The following AFF3 variants were observed in gnomAD, a reference collection of about 807,000 sequenced individuals.
AFF3 encodes AF4/FMR2 family member 3.
Under a neutral mutation model 129.7 loss-of-function variants are expected in AFF3, and 32 were observed. That is an observed-to-expected ratio of 0.25 (90% CI 0.19 to 0.33). AFF3 has a LOEUF of 0.33. Among genes scored for constraint, AFF3 ranks in the 10% least tolerant of loss-of-function variants. The probability of loss-of-function intolerance (pLI) is 1.00; values close to 1 mark genes in which losing one functional copy is unlikely to be tolerated. For synonymous variants in AFF3, 644 were observed against 635.4 expected (o/e 1.01, Z -0.20); for missense variants, 1,373 against 1,592.0 (o/e 0.86, Z 2.34).
chr2:99,623,458 C>T (rs1388810645), intron 13 of AFF3, among the ~76,000 whole-genome samples: 2 of 152,198 alleles, frequency 1.3e-5, no homozygotes, highest in African/African-American at 2.4e-5. Flanking sequence ...TATCTGGAGG[C>T]TCGCCCTGCA....
intron 7 of AFF3, among the ~76,000 whole-genome samples, chr2:99,965,393 C>T (rs1677648074): frequency 6.6e-6 from 1 of 152,210 alleles, no homozygotes; most frequent in African/African-American, 2.4e-5. Flanking sequence ...GAGGAAGAAA[C>T]ACAAAATTGT....
intron 7 of AFF3, among the ~76,000 whole-genome samples, chr2:99,849,151 C>G (rs1353810712): frequency 6.6e-6 from 1 of 151,896 alleles, no homozygotes; most frequent in Non-Finnish European, 1.5e-5. Flanking sequence ...ATAAACCATC[C>G]TCAAAGTTAC....
intron 13 of AFF3, among the ~76,000 whole-genome samples, chr2:99,617,556 C>T (rs75570181): frequency 0.012 from 1,870 of 152,292 alleles, 13 homozygotes; most frequent in Non-Finnish European, 0.021. Context: ...ATCTGATATA[C>T]ATTGTGCAAT....
chr2:99,593,800 G>C lies in AFF3; in HGVS notation c.1861C>G (p.Pro621Ala), dbSNP rs1170891915. 2 of 1,610,882 alleles carry C rather than the reference G, an allele frequency of 1.2e-6. No homozygotes were observed. Among genetic ancestry groups the C allele is most frequent in the East Asian group, 2.2e-5 (1 of 44,846 alleles). Residue 621 changes from proline to alanine, a missense_variant, in exon 15 of 25, where the codon CCC becomes GCC. Physicochemically the swap from Pro to Ala is conservative, Grantham distance 27. Transcript: ENST00000672756. ...ADALGTSVVV[P>A]PEPTKTRPCG... Reference sequence around the variant, plus strand: ...GGCCTGGTTTTGGTGGGCTCCGGGGGGACCACCACGCTCGTCCCCAGCGCG... The same window carrying C: ...GGCCTGGTTTTGGTGGGCTCCGGGGCGACCACCACGCTCGTCCCCAGCGCG...
Position 99,909,965 on chromosome 2 carries a change from A to T in AFF3, c.874-72441T>A, listed in dbSNP as rs181145745. Among the ~76,000 whole-genome samples the T allele has an allele frequency of 2.0e-5, 3 of 152,302 alleles. No individual in the cohort carries two copies. The East Asian group carries it at 5.8e-4, about 29-fold the overall frequency. ...GAAGTCCTAACCCCAGTTCCTCACA[A>T]TGTGACATTATTTGGAGATAGGGTC... On this transcript the variant is annotated intron_variant, in intron 7 of 24. Transcript: ENST00000672756.
chr2:99,570,921 C>T (rs942665863), intron 18 of AFF3, among the ~76,000 whole-genome samples: 4 of 152,222 alleles, frequency 2.6e-5, no homozygotes, highest in South Asian at 4.1e-4. Context: ...TAAGGCGTTC[C>T]GAGTAACCTT....
At chr2:100,008,444 T>C (rs1356038462) in intron 5 of AFF3, among the ~76,000 whole-genome samples, 1 of 152,226 alleles carries the variant, frequency 6.6e-6, no homozygotes, top group Non-Finnish European at 1.5e-5. Flanking sequence ...ACGACAAATA[T>C]GTAACACAAC....
At chr2:100,083,204 A>C (rs1341829184) in intron 4 of AFF3, among the ~76,000 whole-genome samples, 1 of 152,248 alleles carries the variant, frequency 6.6e-6, no homozygotes, top group African/African-American at 2.4e-5. Context: ...TAAGCAAAGA[A>C]CAACGGTATT....
chr2:99,924,799 A>G (rs1696104347), intron 7 of AFF3, among the ~76,000 whole-genome samples: 1 of 152,186 alleles, frequency 6.6e-6, no homozygotes, highest in Non-Finnish European at 1.5e-5. Context: ...GGAATTATTA[A>G]AATGACATAT....
intron 11 of AFF3, among the ~76,000 whole-genome samples, chr2:99,703,319 T>G (rs1032983996): frequency 6.6e-6 from 1 of 152,178 alleles, no homozygotes; most frequent in African/African-American, 2.4e-5. Context: ...CCACGTAAGG[T>G]AACACAATCA....
chr2:99,962,452 T>C (rs1559014207), intron 7 of AFF3, among the ~76,000 whole-genome samples: 1 of 152,150 alleles, frequency 6.6e-6, no homozygotes, highest in East Asian at 1.9e-4. Context: ...AGATGATCAG[T>C]GTTAAAATGA....
At chr2:99,894,387 G>A (rs1464866084) in intron 7 of AFF3, among the ~76,000 whole-genome samples, 3 of 151,472 alleles carry the variant, frequency 2.0e-5, no homozygotes, top group Non-Finnish European at 4.4e-5. Context: ...GGGAGGGAGG[G>A]AAAAAAGGAA....
chr2:99,892,013 A>G (rs113204363), intron 7 of AFF3, among the ~76,000 whole-genome samples: 10,139 of 152,020 alleles, frequency 0.067, 1,012 homozygotes, highest in African/African-American at 0.22. Flanking sequence ...TAGTAGAGAC[A>G]GGGTTTCACC....
At chr2:100,022,431 G>A (rs920579938) in intron 4 of AFF3, among the ~76,000 whole-genome samples, 4 of 151,686 alleles carry the variant, frequency 2.6e-5, no homozygotes, top group Non-Finnish European at 5.9e-5. Context: ...TTTCGGGGGA[G>A]ACAGAGTCTC....
chr2:100,041,328 T>TA (rs1287577661), intron 4 of AFF3, among the ~76,000 whole-genome samples: 1 of 152,236 alleles, frequency 6.6e-6, no homozygotes, highest in Non-Finnish European at 1.5e-5. Context: ...AAAGACAGTG[T>TA]AATGCTAAGC....
chr2:99,673,717 T>C (rs778766370), intron 11 of AFF3, among the ~76,000 whole-genome samples: 1 of 152,188 alleles, frequency 6.6e-6, no homozygotes, highest in East Asian at 1.9e-4. Context: ...ATGTACCTAG[T>C]GTCCTTTAAA....
intron 11 of AFF3, among the ~76,000 whole-genome samples, chr2:99,690,219 C>T (rs919238664): frequency 5.5e-5 from 8 of 145,782 alleles, no homozygotes; most frequent in African/African-American, 1.8e-4. Context: ...CTCGCTCTGT[C>T]GCCCAGGCTG....
At chr2:99,644,977 G>A (rs1257769022) in intron 13 of AFF3, among the ~76,000 whole-genome samples, 3 of 152,194 alleles carry the variant, frequency 2.0e-5, no homozygotes, top group Admixed American at 6.5e-5. Flanking sequence ...CAGTGAATAA[G>A]TGAGACGAAT....
At chr2:100,059,531 C>G (rs535735352) in intron 4 of AFF3, among the ~76,000 whole-genome samples, 2 of 152,180 alleles carry the variant, frequency 1.3e-5, no homozygotes, top group African/African-American at 4.8e-5. Context: ...TAAAGATATT[C>G]TAAAATTATG....
Sources: allele counts gnomAD v4.1 joint callset (sites outside exome capture counted in the v4.1 genomes callset), GRCh38; gene constraint gnomAD v4.1.1; transcripts MANE v1.5; gene names NCBI Gene and HGNC (gene_info 2026-07-23, HGNC 2026-07-21).